Variants in SYNE2 observed in about 807,000 individuals in gnomAD.
The protein encoded by SYNE2 is spectrin repeat containing nuclear envelope protein 2.
In SYNE2, 431 loss-of-function variants were observed where a neutral mutation model predicts 856.3. The ratio of observed to expected loss-of-function variants is 0.50; its 90% CI spans 0.47 to 0.55. SYNE2 has a LOEUF of 0.55. Among genes scored for constraint, SYNE2 ranks in the 20% least tolerant of loss-of-function variants. The pLI is 0.00. For missense variants in SYNE2, 8,129 were observed against 8,023.2 expected, an observed-to-expected ratio of 1.01 and a Z score of -0.50; for synonymous variants, 2,923 against 2,872.3, an observed-to-expected ratio of 1.02 and a Z score of -0.56.
At chr14:63,806,714 T>A (rs545709392) in intron 1 of SYNE2, among the ~76,000 whole-genome samples, 4 of 152,224 alleles carry the variant, frequency 2.6e-5, no homozygotes, top group East Asian at 1.9e-4. Flanking sequence ...TTTCTTTTTT[T>A]AAAATTTAAC....
intron 99 of SYNE2, chr14:64,202,309 C>T: frequency 1.4e-6 from 1 of 702,238 alleles, no homozygotes. Flanking sequence ...AGAGGAGGGT[C>T]CCATGAGAGG....
At chr14:63,834,381 G>T (rs567227142) in intron 1 of SYNE2, among the ~76,000 whole-genome samples, 1 of 152,086 alleles carries the variant, frequency 6.6e-6, no homozygotes, top group South Asian at 2.1e-4. Flanking sequence ...TTTAAAAAAA[G>T]AAAAGAAAAT....
chr14:64,072,046 T>G (rs2097414240), intron 52 of SYNE2, among the ~76,000 whole-genome samples: 3 of 152,184 alleles, frequency 2.0e-5, no homozygotes, highest in South Asian at 4.1e-4. Flanking sequence ...TGTATAATAT[T>G]CTACCATGAA....
At chr14:63,763,269 A>T (rs1886557312) in intron 1 of SYNE2, among the ~76,000 whole-genome samples, 1 of 152,220 alleles carries the variant, frequency 6.6e-6, no homozygotes, top group African/African-American at 2.4e-5. Flanking sequence ...CGCCTGGCCA[A>T]CAAAAAAGTT....
chr14:64,049,799 C>CA lies in SYNE2; in HGVS notation c.7567dup (p.Arg2523LysfsTer11). The CA allele has an allele frequency of 1.2e-6, 2 of 1,614,122 alleles. No individual in the cohort carries two copies. The highest frequency in any genetic ancestry group is 1.7e-6 in the Non-Finnish European group (2 of 1,180,008). ...ACAAAGAAAGCCAATATTGTGTCCT[C>CA]AGAGATTTTCAGGAATACCTTGCTG... is the stretch of plus-strand genomic sequence containing the variant. On this transcript the variant is annotated frameshift_variant, in exon 47 of 116. Transcript: ENST00000555002. LOFTEE classifies it high-confidence loss of function.
chr14:64,217,868 C>T (rs1416095328), intron 108 of SYNE2, among the ~76,000 whole-genome samples: 3 of 152,132 alleles, frequency 2.0e-5, no homozygotes, highest in Non-Finnish European at 4.4e-5. Context: ...GCCCAATCGG[C>T]TGTGTGATAA....
intron 30 of SYNE2, among the ~76,000 whole-genome samples, chr14:64,004,066 A>G (rs548884916): frequency 7.6e-4 from 115 of 151,848 alleles, no homozygotes; most frequent in African/African-American, 2.3e-3. Context: ...TGCTCTGTCA[A>G]CAGGCTGGAG....
intron 11 of SYNE2, among the ~76,000 whole-genome samples, chr14:63,970,644 CTTTTTTCTTTTTTT>C (rs1362198803): frequency 7.8e-6 from 1 of 127,804 alleles, no homozygotes; most frequent in Non-Finnish European, 1.6e-5. Flanking sequence ...TTTTTCTTTT[CTTTTTTCTTTTTTT>C]TTTTTTTTTT....
At chr14:63,928,803 T>C (rs1385043129) in intron 2 of SYNE2, among the ~76,000 whole-genome samples, 10 of 152,234 alleles carry the variant, frequency 6.6e-5, no homozygotes, top group African/African-American at 2.4e-4. Flanking sequence ...GGCTAAAATA[T>C]GTTGCATTAT....
At chr14:64,142,114 C>G (rs1567441716) in intron 82 of SYNE2, 26 bp downstream of exon 82, 1 of 1,613,516 alleles carries the variant, frequency 6.2e-7, no homozygotes, top group Non-Finnish European at 8.5e-7. Context: ...GAGCAGAAGT[C>G]TTTTCATTGA....
intron 1 of SYNE2, among the ~76,000 whole-genome samples, chr14:63,884,842 G>A (rs140628979): frequency 0.015 from 2,234 of 152,048 alleles, 37 homozygotes; most frequent in African/African-American, 0.038. Context: ...GGGTTTCACC[G>A]GGTTAGCCAG....
chr14:64,174,705 T>C (rs1052349220), intron 94 of SYNE2, among the ~76,000 whole-genome samples: 1 of 152,242 alleles, frequency 6.6e-6, no homozygotes, highest in Admixed American at 6.5e-5. Flanking sequence ...ACTGAGAATC[T>C]TATCTCACCA....
intron 45 of SYNE2, among the ~76,000 whole-genome samples, chr14:64,047,744 G>A (rs1022903969): frequency 2.0e-5 from 3 of 151,992 alleles, no homozygotes; most frequent in Non-Finnish European, 4.4e-5. Context: ...CTGTCTTTAA[G>A]ACTATAGATT....
chr14:63,983,732 T>C lies in SYNE2; in HGVS notation c.2002-5T>C. The C allele has an allele frequency of 1.2e-6, 2 of 1,610,022 alleles. No homozygotes were observed. The highest frequency in any genetic ancestry group is 1.3e-5 in the African/African-American group (1 of 74,960). ...TATTACATTTCATGAAATTATTTTG[T>C]ATAGGAAATGAACCTGCCACTGATG... On this transcript the variant is annotated splice_region_variant and splice_polypyrimidine_tract_variant and intron_variant, in intron 17 of 115. Coordinates refer to ENST00000555002, the MANE Select transcript of SYNE2 (RefSeq NM_182914.3).
chr14:63,799,772 C>G (rs139728506), intron 1 of SYNE2, among the ~76,000 whole-genome samples: 1 of 152,102 alleles, frequency 6.6e-6, no homozygotes, highest in African/African-American at 2.4e-5. Context: ...GTAAATTACT[C>G]AAGTATTTCT....
At chr14:64,106,956 T>C (rs1362224319) in intron 64 of SYNE2, among the ~76,000 whole-genome samples, 1 of 152,202 alleles carries the variant, frequency 6.6e-6, no homozygotes, top group Non-Finnish European at 1.5e-5. Flanking sequence ...TGGTAGTTGT[T>C]CCTAAATGGA....
At chr14:64,032,917 C>A (rs544546072) in intron 45 of SYNE2, among the ~76,000 whole-genome samples, 1 of 152,156 alleles carries the variant, frequency 6.6e-6, no homozygotes. Context: ...CCACTAATCT[C>A]GGCACTTTGT....
At position 64,119,467 on chromosome 14, in the gene SYNE2, T is replaced by G; in HGVS notation, c.12881T>G (p.Leu4294Ter). ...TEIEHKVAFLLETCKDQGLGD... is the reference protein window; with the variant it reads ...TEIEHKVAFL ...ATTGAGCACAAGGTTGCCTTTCTGT[T>G]AGAGACTTGCAAAGATCAGGGCCTG... is the stretch of plus-strand genomic sequence containing the variant. The change falls in exon 67 of 116, where the codon TTA becomes TGA. Residue 4294 changes from leucine to a stop codon, truncating the protein, a stop_gained. Transcript: ENST00000555002. LOFTEE classifies it high-confidence loss of function. The G allele has an allele frequency of 6.2e-7, 1 of 1,614,234 alleles. No homozygotes were observed. Among genetic ancestry groups the G allele is most frequent in the East Asian group, 2.2e-5 (1 of 44,890 alleles).
chr14:64,136,015 C>T lies in SYNE2; in HGVS notation c.14647-1772C>T, dbSNP rs1013354900. Among the ~76,000 whole-genome samples, 7 of 152,108 alleles carry T rather than the reference C, an allele frequency of 4.6e-5. No individual in the cohort carries two copies. In the East Asian group the frequency reaches 7.7e-4, roughly 17 times the overall value. The stretch of plus-strand genomic sequence containing the variant: ...CATACAATCGGTGAATTAGGCTGGG[C>T]GTGGTGGCTCATGCCTGTAATCCTA... On this transcript the variant is annotated intron_variant, in intron 78 of 115. Coordinates refer to ENST00000555002, the MANE Select transcript of SYNE2 (RefSeq NM_182914.3).
Sources: allele counts gnomAD v4.1 joint callset (sites outside exome capture counted in the v4.1 genomes callset), GRCh38; gene constraint gnomAD v4.1.1; transcripts MANE v1.5; gene names NCBI Gene and HGNC (gene_info 2026-07-23, HGNC 2026-07-21).